Variants in RAB28 observed in about 807,000 individuals in gnomAD.
RAB28 encodes the protein RAB28, member RAS oncogene family.
Under a neutral mutation model 31.7 loss-of-function variants are expected in RAB28, and 24 were observed. The ratio of observed to expected loss-of-function variants is 0.76; its 90% confidence interval spans 0.55 to 1.06. The LOEUF is 1.06. Among genes scored for constraint, RAB28 ranks in the 50% least tolerant of loss-of-function variants. The pLI, the probability that RAB28 is intolerant of heterozygous loss-of-function variation, is 0.00. For missense variants in RAB28, 254 were observed against 258.5 expected, an observed-to-expected ratio of 0.98 and a Z score of 0.12; for synonymous variants, 100 against 90.4, an observed-to-expected ratio of 1.11 and a Z score of -0.60.
intron 4 of RAB28, among the ~76,000 whole-genome samples, chr4:13,408,895 C>T (rs1712260064): frequency 6.6e-6 from 1 of 152,028 alleles, no homozygotes; most frequent in South Asian, 2.1e-4. Flanking sequence ...ATTTGCCATG[C>T]TAACATTTCA....
At chr4:13,439,517 T>C (rs1287108772) in intron 4 of RAB28, among the ~76,000 whole-genome samples, 2 of 152,088 alleles carry the variant, frequency 1.3e-5, no homozygotes, top group South Asian at 4.1e-4. Flanking sequence ...CAGCTAATTG[T>C]TGTATCTTTA....
intron 4 of RAB28, among the ~76,000 whole-genome samples, chr4:13,428,390 A>G (rs1713628572): frequency 6.6e-6 from 1 of 152,230 alleles, no homozygotes; most frequent in Non-Finnish European, 1.5e-5. Flanking sequence ...CCTGAAGAGT[A>G]TAAAATGTTC....
chr4:13,381,866 C>T (rs565403348), intron 4 of RAB28, among the ~76,000 whole-genome samples: 8 of 151,944 alleles, frequency 5.3e-5, no homozygotes, highest in African/African-American at 1.7e-4. Context: ...AAAAAATGTG[C>T]GCTATCATTA....
Position 13,368,152 on chromosome 4 carries a change from C to T in RAB28, c.*406G>A. The T allele has an allele frequency of 1.0e-6, 1 of 986,516 alleles. No homozygotes were observed. 61.1% of individuals were successfully genotyped at this position (986,516 alleles called of 1,614,324 possible). Reference sequence around the variant, plus strand: ...CTTAATGTTTGCACTCTGAAGTATACTTTGACACATACAAGTTCCGATAAG... The same window carrying T: ...CTTAATGTTTGCACTCTGAAGTATATTTTGACACATACAAGTTCCGATAAG... On this transcript the variant is annotated 3_prime_UTR_variant, in exon 7 of 7. Transcript: ENST00000330852.
intron 4 of RAB28, among the ~76,000 whole-genome samples, chr4:13,390,171 C>T (rs1185405645): frequency 6.6e-6 from 1 of 152,056 alleles, no homozygotes; most frequent in Admixed American, 6.6e-5. Context: ...TCTTCTCAGC[C>T]CAAAATCTCC....
intron 5 of RAB28, among the ~76,000 whole-genome samples, chr4:13,378,062 A>G (rs748390112): frequency 3.3e-5 from 5 of 152,196 alleles, no homozygotes; most frequent in Non-Finnish European, 5.9e-5. Flanking sequence ...GCAGTTGGAT[A>G]TAAGAGTCTA....
intron 4 of RAB28, among the ~76,000 whole-genome samples, chr4:13,382,348 T>C (rs1729165249): frequency 6.6e-6 from 1 of 152,156 alleles, no homozygotes; most frequent in South Asian, 2.1e-4. Context: ...TATAAGGGTG[T>C]TGATTCAATG....
At chr4:13,439,170 T>C (rs938358718) in intron 4 of RAB28, among the ~76,000 whole-genome samples, 26 of 152,262 alleles carry the variant, frequency 1.7e-4, no homozygotes, top group African/African-American at 5.5e-4. Flanking sequence ...TACGATATTA[T>C]ACTCATCAGA....
At chr4:13,468,841 AAGGG>A (rs1416832308) in intron 3 of RAB28, among the ~76,000 whole-genome samples, 1 of 151,926 alleles carries the variant, frequency 6.6e-6, no homozygotes, top group African/African-American at 2.4e-5. Context: ...ACCAAAAACA[AAGGG>A]AGGGAGAGAG....
intron 4 of RAB28, among the ~76,000 whole-genome samples, chr4:13,395,612 T>C (rs539759402): frequency 1.3e-5 from 2 of 152,008 alleles, no homozygotes; most frequent in African/African-American, 2.4e-5. Flanking sequence ...CATCCACCTA[T>C]ATGACTACTG....
intron 4 of RAB28, among the ~76,000 whole-genome samples, chr4:13,414,167 C>A (rs1215680594): frequency 1.3e-5 from 2 of 152,194 alleles, no homozygotes; most frequent in Non-Finnish European, 2.9e-5. Flanking sequence ...TATAGTTCAT[C>A]TCTGGTCCCT....
At chr4:13,408,976 G>A (rs1349483926) in intron 4 of RAB28, among the ~76,000 whole-genome samples, 1 of 152,104 alleles carries the variant, frequency 6.6e-6, no homozygotes, top group African/African-American at 2.4e-5. Context: ...AAGAAGTTAT[G>A]AAGTTATTCC....
chr4:13,445,980 T>TC (rs1355897550), intron 4 of RAB28, among the ~76,000 whole-genome samples: 1 of 151,996 alleles, frequency 6.6e-6, no homozygotes, highest in African/African-American at 2.4e-5. Flanking sequence ...CAGCCGCCCC[T>TC]CCCCCCAGGT....
chr4:13,375,319 A>C (rs1728875972), intron 6 of RAB28, among the ~76,000 whole-genome samples: 1 of 152,202 alleles, frequency 6.6e-6, no homozygotes, highest in Non-Finnish European at 1.5e-5. Context: ...TTCTTTACTA[A>C]AAGCAGGGAC....
intron 4 of RAB28, among the ~76,000 whole-genome samples, chr4:13,407,398 T>C (rs1352978849): frequency 1.3e-5 from 2 of 152,360 alleles, no homozygotes; most frequent in African/African-American, 2.4e-5. Context: ...CACATTGTTT[T>C]GGTTACTGCA....
rs113916248 is a variant in RAB28, at chr4:13,392,662, T to C, written c.392-11068A>G. Among the ~76,000 whole-genome samples the C allele has an allele frequency of 2.8e-3, 424 of 152,276 alleles. 4 individuals carry two copies. The highest frequency in any genetic ancestry group is 9.0e-3 in the African/African-American group (372 of 41,552). ...TAATAAGGTATTGTATTCTTGGAAG[T>C]TGCTAAGAGAATAGATTTTAAGTAT... is the stretch of plus-strand genomic sequence containing the variant. On this transcript the variant is annotated intron_variant, in intron 4 of 6. Transcript: ENST00000330852.
chr4:13,444,395 T>C (rs1248636244), intron 4 of RAB28, among the ~76,000 whole-genome samples: 3 of 152,164 alleles, frequency 2.0e-5, no homozygotes, highest in Non-Finnish European at 4.4e-5. Context: ...TATATATATA[T>C]GCGCCACATT....
At chr4:13,464,954 T>C (rs971120148) in intron 3 of RAB28, among the ~76,000 whole-genome samples, 6 of 151,774 alleles carry the variant, frequency 4.0e-5, no homozygotes, top group African/African-American at 9.7e-5. Context: ...ATAGGGATAA[T>C]AAAACAAGGG....
intron 4 of RAB28, among the ~76,000 whole-genome samples, chr4:13,397,986 C>T (rs1244524041): frequency 1.3e-5 from 2 of 151,824 alleles, no homozygotes; most frequent in South Asian, 2.1e-4. Context: ...GAGCAGCAGC[C>T]GGTATCAAGC....
Sources: allele counts gnomAD v4.1 joint callset (sites outside exome capture counted in the v4.1 genomes callset), GRCh38; gene constraint gnomAD v4.1.1; transcripts MANE v1.5; gene names NCBI Gene and HGNC (gene_info 2026-07-23, HGNC 2026-07-21).